Variants in TMTC2 observed in about 807,000 individuals in gnomAD.
TMTC2 encodes transmembrane O-mannosyltransferase targeting cadherins 2, also known as protein O-mannosyl-transferase TMTC2.
A neutral mutation model predicts 82.4 loss-of-function variants in TMTC2; 43 were observed. The observed-to-expected ratio is 0.52, with a 90% CI of 0.41 to 0.67. The LOEUF (loss-of-function observed/expected upper bound fraction) is 0.67. Among genes scored for constraint, TMTC2 ranks in the 30% least tolerant of loss-of-function variants. TMTC2 has a pLI of 0.00. For missense variants in TMTC2, 919 were observed against 1,012.4 expected, an observed-to-expected ratio of 0.91 and a Z score of 1.25; for synonymous variants, 408 against 381.9, an observed-to-expected ratio of 1.07 and a Z score of -0.80.
Position 83,055,237 on chromosome 12 carries a change from A to G in TMTC2, c.2267+4219A>G, listed in dbSNP as rs375173165. ...GGAAACTGAGTCCTGTGCTAAACGA[A>G]AGTTAGAAGATCAGTGAATTTCTGG... On this transcript the variant is annotated intron_variant, in intron 10 of 11. Transcript: ENST00000321196. 7.2e-5 allele frequency among the ~76,000 whole-genome samples: 11 copies of G among 152,132 alleles called. No homozygotes were observed. In the East Asian group the frequency reaches 1.7e-3, roughly 24 times the overall value.
chr12:82,760,788 C>T, intron 1 of TMTC2: 1 of 349,454 alleles, frequency 2.9e-6, no homozygotes, highest in South Asian at 2.1e-5. Flanking sequence ...CTGCTGTGAA[C>T]TGCGCATGTG....
intron 8 of TMTC2, among the ~76,000 whole-genome samples, chr12:83,006,721 A>G (rs569821325): frequency 6.6e-6 from 1 of 152,318 alleles, no homozygotes; most frequent in Admixed American, 6.5e-5. Flanking sequence ...CATCAATGAT[A>G]GACTGGATTA....
intron 3 of TMTC2, among the ~76,000 whole-genome samples, chr12:82,912,780 A>G (rs919684397): frequency 2.6e-5 from 4 of 152,050 alleles, no homozygotes; most frequent in African/African-American, 9.7e-5. Flanking sequence ...TCCACAAAAA[A>G]TTCAAAAAAT....
At chr12:82,904,837 A>G (rs1346903753) in intron 3 of TMTC2, among the ~76,000 whole-genome samples, 1 of 152,156 alleles carries the variant, frequency 6.6e-6, no homozygotes, top group African/African-American at 2.4e-5. Flanking sequence ...TAGTCTCTGT[A>G]GAATTTGGCA....
chr12:82,848,356 A>G (rs564784165), intron 1 of TMTC2, among the ~76,000 whole-genome samples: 2 of 152,126 alleles, frequency 1.3e-5, no homozygotes, highest in Non-Finnish European at 2.9e-5. Flanking sequence ...GTATGCAGAT[A>G]TGCTTTCCTC....
chr12:82,958,865 C>G (rs1877761125), intron 4 of TMTC2, among the ~76,000 whole-genome samples: 1 of 152,024 alleles, frequency 6.6e-6, no homozygotes, highest in Non-Finnish European at 1.5e-5. Flanking sequence ...AAAAGGCCTC[C>G]AAATAGGAAA....
chr12:82,727,615 G>T (rs891735246), intron 1 of TMTC2, among the ~76,000 whole-genome samples: 1 of 151,918 alleles, frequency 6.6e-6, no homozygotes, highest in South Asian at 2.1e-4. Flanking sequence ...CAGCTACTCG[G>T]GAGGCTGAGC....
chr12:82,791,179 T>G (rs111843560), intron 1 of TMTC2, among the ~76,000 whole-genome samples: 10 of 152,278 alleles, frequency 6.6e-5, no homozygotes, highest in African/African-American at 2.4e-4. Flanking sequence ...ACTATGTAAT[T>G]CCAATTCTTG....
chr12:82,786,000 C>T (rs923898325), intron 1 of TMTC2, among the ~76,000 whole-genome samples: 5 of 152,088 alleles, frequency 3.3e-5, no homozygotes, highest in African/African-American at 1.2e-4. Context: ...GTTCTGGTTG[C>T]TGCAGGGGCT....
intron 1 of TMTC2, among the ~76,000 whole-genome samples, chr12:82,693,532 T>A (rs991609956): frequency 6.6e-5 from 10 of 152,074 alleles, no homozygotes; most frequent in African/African-American, 2.2e-4. Flanking sequence ...TTGCCTCAGG[T>A]TTTTGGCCGT....
chr12:82,934,427 C>T lies in TMTC2; in HGVS notation c.1598+3882C>T, dbSNP rs551671833. Among the ~76,000 whole-genome samples, 186 of 151,510 alleles carry T rather than the reference C, an allele frequency of 1.2e-3. 1 individual carries two copies. The highest frequency in any genetic ancestry group is 2.4e-3 in the Non-Finnish European group (161 of 67,830). On this transcript the variant is annotated intron_variant, in intron 4 of 11. Coordinates refer to ENST00000321196, the MANE Select transcript of TMTC2 (RefSeq NM_152588.3). ...CCGGTGTGTGATATTCCCCTCCCTG[C>T]GTCCATGTGTTCTCATAGTTCAACT...
At chr12:83,010,392 G>A (rs1655602) in intron 8 of TMTC2, among the ~76,000 whole-genome samples, 119,028 of 152,012 alleles carry the variant, frequency 0.78, 47,659 homozygotes, top group South Asian at 0.93. Context: ...TCAGTGAGAC[G>A]CCAGACCTCT....
intron 1 of TMTC2, among the ~76,000 whole-genome samples, chr12:82,693,726 T>C (rs1188134759): frequency 1.4e-5 from 2 of 148,052 alleles, no homozygotes; most frequent in Non-Finnish European, 3.0e-5. Flanking sequence ...TCCTAGCACT[T>C]TGGGAGGCCG....
chr12:82,928,531 T>C (rs1875845712), intron 3 of TMTC2, among the ~76,000 whole-genome samples: 1 of 152,248 alleles, frequency 6.6e-6, no homozygotes, highest in South Asian at 2.1e-4. Flanking sequence ...ATTTAAAGGA[T>C]ACAATTTTCT....
chr12:82,692,426 C>T (rs750227212), intron 1 of TMTC2, among the ~76,000 whole-genome samples: 3 of 152,168 alleles, frequency 2.0e-5, no homozygotes, highest in Non-Finnish European at 2.9e-5. Context: ...TGTTGCTGCT[C>T]AGCACACTAA....
intron 8 of TMTC2, among the ~76,000 whole-genome samples, chr12:83,026,966 A>G (rs888931515): frequency 6.6e-6 from 1 of 151,986 alleles, no homozygotes; most frequent in Non-Finnish European, 1.5e-5. Flanking sequence ...TTTCTCTTAC[A>G]TTTATATGTT....
At chr12:82,970,180 A>T (rs1878387469) in intron 7 of TMTC2, among the ~76,000 whole-genome samples, 1 of 152,248 alleles carries the variant, frequency 6.6e-6, no homozygotes, top group Non-Finnish European at 1.5e-5. Context: ...ACTTAAAAGA[A>T]GCCTCAGTTT....
Position 82,965,103 on chromosome 12 carries a change from C to T in TMTC2, c.1678C>T (p.Leu560=). ...ATTGGCCATTGGGAGCAGGCCTACC[C>T]TGGCTTGTAAGTAATACTCAAGTGT... ...YKLAIGSRPT[L]ASAYLNTGII... Residue 560 remains leucine (L), a synonymous_variant, in exon 5 of 12, where the codon CTG becomes TTG. Coordinates refer to ENST00000321196, the MANE Select transcript of TMTC2 (RefSeq NM_152588.3). The T allele has an allele frequency of 6.2e-7, 1 of 1,608,856 alleles. No homozygotes were observed. Among genetic ancestry groups the T allele is most frequent in the South Asian group, 1.1e-5 (1 of 90,376 alleles).
intron 11 of TMTC2, among the ~76,000 whole-genome samples, chr12:83,113,228 AG>A (rs1326349652): frequency 6.6e-6 from 1 of 152,192 alleles, no homozygotes; most frequent in African/African-American, 2.4e-5. Context: ...TTTCAAAAAT[AG>A]GGCTGCTCAG....
Sources: gnomAD v4.1 joint callset for allele counts (sites outside exome capture counted in the v4.1 genomes callset) on GRCh38, gnomAD v4.1.1 for gene constraint, MANE v1.5 for transcripts, NCBI Gene and HGNC (gene_info 2026-07-23, HGNC 2026-07-21) for gene names.